GSE1: variants seen among roughly 807,000 people sequenced by gnomAD.
GSE1 encodes the protein genetic suppressor element 1.
Under a neutral mutation model 112.6 loss-of-function variants are expected in GSE1, and 32 were observed. The ratio of observed to expected loss-of-function variants is 0.28; its 90% confidence interval spans 0.21 to 0.38. The LOEUF is 0.38. GSE1 is among the 10% of genes least tolerant of loss of function. The probability of loss-of-function intolerance (pLI) is 1.00; values close to 1 mark genes in which losing one functional copy is unlikely to be tolerated. For missense variants in GSE1, 2,348 were observed against 1,699.2 expected (o/e 1.38, Z -6.71); for synonymous variants, 1,115 against 735.6 (o/e 1.52, Z -8.35).
chr16:85,394,634 C>A (rs944340919), intron 2 of GSE1, among the ~76,000 whole-genome samples: 1 of 152,180 alleles, frequency 6.6e-6, no homozygotes, highest in Admixed American at 6.5e-5. Flanking sequence ...GATTGCAGGC[C>A]CTGCCAGGAG....
rs945620229 is a variant in GSE1, at chr16:85,648,860, C to T, written c.426+109C>T. On this transcript the variant is annotated intron_variant, in intron 3 of 15. Coordinates refer to ENST00000253458, the MANE Select transcript of GSE1 (RefSeq NM_014615.5). Reference sequence around the variant, plus strand: ...GAGGTTGAGTTTACATTCCAGACACCCCCTCCCCCACCCTGAGTTTCCGTC... The same window carrying T: ...GAGGTTGAGTTTACATTCCAGACACTCCCTCCCCCACCCTGAGTTTCCGTC... 8.5e-6 allele frequency: 5 copies of T among 588,750 alleles called. No individual in the cohort carries two copies. In the East Asian group the frequency reaches 1.3e-4, roughly 15 times the overall value. 36.5% of individuals were successfully genotyped at this position (588,750 alleles called of 1,614,324 possible).
At chr16:85,549,919 T>C (rs1458408955) in intron 2 of GSE1, among the ~76,000 whole-genome samples, 1 of 152,144 alleles carries the variant, frequency 6.6e-6, no homozygotes, top group Non-Finnish European at 1.5e-5. Flanking sequence ...AGGTCGTAAG[T>C]AAGATGACAT....
intron 2 of GSE1, among the ~76,000 whole-genome samples, chr16:85,645,467 T>C (rs531207750): frequency 1.5e-3 from 227 of 152,308 alleles, no homozygotes; most frequent in African/African-American, 5.2e-3. Context: ...GATACCGTTC[T>C]GCAGGAAGCA....
intron 1 of GSE1, among the ~76,000 whole-genome samples, chr16:85,278,139 C>T (rs1909556681): frequency 6.6e-6 from 1 of 152,216 alleles, no homozygotes; most frequent in South Asian, 2.1e-4. Context: ...GGTCCATGTC[C>T]CTGGCTGAAG....
intron 1 of GSE1, among the ~76,000 whole-genome samples, chr16:85,357,205 G>A (rs2046967901): frequency 6.6e-6 from 1 of 152,212 alleles, no homozygotes. Flanking sequence ...AGAAGATGGG[G>A]CTGTGTGGGT....
chr16:85,206,118 G>A (rs2143603555), intron 1 of GSE1, among the ~76,000 whole-genome samples: 1 of 151,964 alleles, frequency 6.6e-6, no homozygotes, highest in East Asian at 1.9e-4. Context: ...TGCCGGGGGT[G>A]CTGGCTGATC....
At chr16:85,347,953 A>G (rs1488158598) in intron 1 of GSE1, among the ~76,000 whole-genome samples, 1 of 152,200 alleles carries the variant, frequency 6.6e-6, no homozygotes, top group African/African-American at 2.4e-5. Flanking sequence ...TCCAATGACA[A>G]GCTTTTCTTT....
At chr16:85,319,948 G>A (rs549651589) in intron 1 of GSE1, among the ~76,000 whole-genome samples, 13 of 152,282 alleles carry the variant, frequency 8.5e-5, no homozygotes, top group South Asian at 2.1e-4. Flanking sequence ...CCTGGGTCCC[G>A]GGCTTACAAC....
At chr16:85,345,634 C>G (rs965807189) in intron 1 of GSE1, among the ~76,000 whole-genome samples, 1 of 152,228 alleles carries the variant, frequency 6.6e-6, no homozygotes, top group African/African-American at 2.4e-5. Flanking sequence ...CCCACCCGCC[C>G]TTCTCTCCAT....
At position 85,582,498 on chromosome 16, in the gene GSE1, C is replaced by T. The variant is rs2046491928; in HGVS notation, c.37+26135C>T. 2.0e-5 allele frequency among the ~76,000 whole-genome samples: 3 copies of T among 152,130 alleles called. No individual in the cohort carries two copies. In the South Asian group the frequency reaches 6.2e-4, roughly 31 times the overall value. ...TGGGAAAGGGTGAAGCTTCCTTGGA[C>T]CCGACATCCCCTGGGAGGACCCTCC... On this transcript the variant is annotated intron_variant, in intron 1 of 2. Transcript: ENST00000635906.
chr16:85,563,189 CTTTTTT>C, intron 1 of GSE1, among the ~76,000 whole-genome samples: 1 of 140,476 alleles, frequency 7.1e-6, no homozygotes, highest in East Asian at 2.1e-4. Flanking sequence ...CCTCCTCTTC[CTTTTTT>C]TTTTTTTTTC....
chr16:85,436,752 T>A (rs1261409656), intron 2 of GSE1, among the ~76,000 whole-genome samples: 1 of 152,042 alleles, frequency 6.6e-6, no homozygotes, highest in Non-Finnish European at 1.5e-5. Flanking sequence ...CCTGGCAGAG[T>A]CCCCGCTGGC....
At chr16:85,432,892 A>G (rs1251860044) in intron 2 of GSE1, among the ~76,000 whole-genome samples, 1 of 152,082 alleles carries the variant, frequency 6.6e-6, no homozygotes, top group East Asian at 1.9e-4. Flanking sequence ...CTGCAGCTCT[A>G]TACGGGTCAT....
intron 6 of GSE1, 27 bp from the exon 7 acceptor site, chr16:85,656,316 G>A (rs1567735538): frequency 3.1e-6 from 5 of 1,608,046 alleles, no homozygotes; most frequent in Non-Finnish European, 4.2e-6. Context: ...GTGCAGCAGA[G>A]CCCCCAACTC....
At chr16:85,584,244 CT>C (rs1255500217) in intron 1 of GSE1, among the ~76,000 whole-genome samples, 1 of 152,142 alleles carries the variant, frequency 6.6e-6, no homozygotes, top group African/African-American at 2.4e-5. Context: ...TGGCTCCCCT[CT>C]TTTTGGGCAG....
intron 2 of GSE1, among the ~76,000 whole-genome samples, chr16:85,433,087 CA>C (rs2049159760): frequency 6.6e-6 from 1 of 151,866 alleles, no homozygotes; most frequent in Admixed American, 6.6e-5. Context: ...GAATGGGGCT[CA>C]GGGGTTCAGG....
intron 1 of GSE1, among the ~76,000 whole-genome samples, chr16:85,340,887 G>T (rs1370516087): frequency 6.6e-6 from 1 of 152,176 alleles, no homozygotes; most frequent in Non-Finnish European, 1.5e-5. Flanking sequence ...CAGGCCCCCA[G>T]TCTAGGAGGT....
At chr16:85,444,116 A>T (rs1224514777) in intron 2 of GSE1, among the ~76,000 whole-genome samples, 1 of 150,572 alleles carries the variant, frequency 6.6e-6, no homozygotes, top group African/African-American at 2.4e-5. Context: ...TCCGGAGTAG[A>T]TGGGACTACA....
intron 2 of GSE1, among the ~76,000 whole-genome samples, chr16:85,528,685 G>GTTTTGTTTTGTTTTTTA (rs1567563210): frequency 7.1e-6 from 1 of 140,414 alleles, no homozygotes; most frequent in Non-Finnish European, 1.6e-5. Context: ...TTTGTTTTTT[G>GTTTTGTTTTGTTTTTTA]ATGGGGTGGT....
Sources: allele counts gnomAD v4.1 joint callset (sites outside exome capture counted in the v4.1 genomes callset), GRCh38; gene constraint gnomAD v4.1.1; transcripts MANE v1.5; gene names NCBI Gene and HGNC (gene_info 2026-07-23, HGNC 2026-07-21).